Variants in AUTS2 observed in about 807,000 individuals in gnomAD.
AUTS2 encodes the protein autism susceptibility gene 2 protein.
A neutral mutation model predicts 112.4 loss-of-function variants in AUTS2; 17 were observed. The ratio of observed to expected loss-of-function variants is 0.15; its 90% CI spans 0.10 to 0.23. AUTS2 has a LOEUF of 0.23. AUTS2 is among the 10% of genes least tolerant of loss of function. AUTS2 has a pLI of 1.00. For synonymous variants in AUTS2, 751 were observed against 702.7 expected (o/e 1.07, Z -1.09); for missense variants, 1,510 against 1,701.6 (o/e 0.89, Z 1.98).
At chr7:70,091,441 C>T (rs1490371734) in intron 2 of AUTS2, among the ~76,000 whole-genome samples, 1 of 152,090 alleles carries the variant, frequency 6.6e-6, no homozygotes, top group Non-Finnish European at 1.5e-5. Context: ...CTAATGGACC[C>T]ATTTACAAAA....
At chr7:70,639,885 T>C (rs1343638600) in intron 5 of AUTS2, among the ~76,000 whole-genome samples, 1 of 152,184 alleles carries the variant, frequency 6.6e-6, no homozygotes, top group African/African-American at 2.4e-5. Flanking sequence ...CTGAGAGGAC[T>C]ACAAGGCTGA....
chr7:69,872,848 T>TTTTTTTTTTTTTTTTTTTG (rs1793563079), intron 1 of AUTS2, among the ~76,000 whole-genome samples: 1 of 137,646 alleles, frequency 7.3e-6, no homozygotes, highest in Non-Finnish European at 1.6e-5. Context: ...TTTTTTTTTT[T>TTTTTTTTTTTTTTTTTTTG]TTTTTTTTTT....
intron 2 of AUTS2, among the ~76,000 whole-genome samples, chr7:70,025,291 A>G (rs1427574166): frequency 6.6e-6 from 1 of 152,120 alleles, no homozygotes; most frequent in African/African-American, 2.4e-5. Context: ...TTATTTAGCC[A>G]TGTAGAGCTC....
At chr7:69,665,335 C>T (rs1795986975) in intron 1 of AUTS2, among the ~76,000 whole-genome samples, 1 of 152,154 alleles carries the variant, frequency 6.6e-6, no homozygotes, top group African/African-American at 2.4e-5. Flanking sequence ...TAATACTGCT[C>T]AGCATAAATG....
intron 5 of AUTS2, among the ~76,000 whole-genome samples, chr7:70,539,490 A>G (rs1444135422): frequency 6.6e-6 from 1 of 152,216 alleles, no homozygotes; most frequent in Non-Finnish European, 1.5e-5. Context: ...TGCACTGTCT[A>G]TGGAATACCA....
chr7:70,693,948 G>A (rs1440877726), intron 5 of AUTS2: 1 of 152,030 alleles, frequency 6.6e-6, no homozygotes, highest in Non-Finnish European at 1.5e-5. Flanking sequence ...CGGCGCCGGG[G>A]ACGAGAGGAG....
chr7:69,601,768 T>C (rs1465899632), intron 1 of AUTS2, among the ~76,000 whole-genome samples: 1 of 152,184 alleles, frequency 6.6e-6, no homozygotes, highest in Non-Finnish European at 1.5e-5. Flanking sequence ...GTGGTTACCA[T>C]ACAGTGTGAC....
chr7:70,556,862 C>T (rs1240149903), intron 5 of AUTS2, among the ~76,000 whole-genome samples: 1 of 152,160 alleles, frequency 6.6e-6, no homozygotes, highest in Non-Finnish European at 1.5e-5. Context: ...TGCCCTTCCC[C>T]ACACACTGTG....
At chr7:69,793,245 A>C (rs1287977625) in intron 1 of AUTS2, among the ~76,000 whole-genome samples, 2 of 152,164 alleles carry the variant, frequency 1.3e-5, no homozygotes. Flanking sequence ...CTCTGTTTCC[A>C]CTGGAAACTC....
intron 2 of AUTS2, among the ~76,000 whole-genome samples, chr7:69,996,946 T>TAAAAAAAAAAAAAAAAAA (rs1161825217): frequency 5.0e-5 from 5 of 99,030 alleles, no homozygotes; most frequent in African/African-American, 1.7e-4. Flanking sequence ...CTGGAACACT[T>TAAAAAAAAAAAAAAAAAA]AAAAAAAAAA....
At chr7:70,382,078 T>C (rs1793390902) in intron 4 of AUTS2, among the ~76,000 whole-genome samples, 1 of 152,166 alleles carries the variant, frequency 6.6e-6, no homozygotes, top group South Asian at 2.1e-4. Context: ...CAGACACCAT[T>C]GCCCTACAAC....
chr7:70,310,332 C>T (rs545754207), intron 4 of AUTS2, among the ~76,000 whole-genome samples: 6 of 152,084 alleles, frequency 3.9e-5, no homozygotes, highest in Non-Finnish European at 5.9e-5. Flanking sequence ...CAGCTGAGGC[C>T]GGACGCGGTG....
intron 5 of AUTS2, among the ~76,000 whole-genome samples, chr7:70,636,220 CTTCCT>C (rs1037602342): frequency 1.3e-5 from 2 of 152,236 alleles, no homozygotes; most frequent in African/African-American, 4.8e-5. Context: ...GGTGGCTTCA[CTTCCT>C]TTCACAAACT....
At chr7:70,496,379 C>T (rs1585217026) in intron 5 of AUTS2, among the ~76,000 whole-genome samples, 1 of 128,734 alleles carries the variant, frequency 7.8e-6, no homozygotes, top group African/African-American at 3.1e-5. Context: ...ACACACCCCA[C>T]TCACACACAC....
chr7:70,289,421 A>G (rs1006730339), intron 4 of AUTS2, among the ~76,000 whole-genome samples: 2 of 152,214 alleles, frequency 1.3e-5, no homozygotes, highest in African/African-American at 2.4e-5. Context: ...ATAGGTGTCT[A>G]TCGACAGCCT....
chr7:69,842,399 T>A (rs565682252), intron 1 of AUTS2, among the ~76,000 whole-genome samples: 1 of 152,224 alleles, frequency 6.6e-6, no homozygotes, highest in Non-Finnish European at 1.5e-5. Context: ...ACGCTTTTAC[T>A]GTTCATAACA....
intron 2 of AUTS2, among the ~76,000 whole-genome samples, chr7:70,041,642 A>G (rs1584624359): frequency 6.6e-6 from 1 of 152,332 alleles, no homozygotes; most frequent in South Asian, 2.1e-4. Flanking sequence ...GTATGTATGT[A>G]TATGTGTTTG....
At chr7:70,415,575 C>T (rs1202533701) in intron 4 of AUTS2, among the ~76,000 whole-genome samples, 1 of 152,130 alleles carries the variant, frequency 6.6e-6, no homozygotes, top group Non-Finnish European at 1.5e-5. Flanking sequence ...CCTGGTACAT[C>T]GTTGTTTAAG....
At chr7:69,670,509 T>G (rs1796268551) in intron 1 of AUTS2, among the ~76,000 whole-genome samples, 1 of 138,402 alleles carries the variant, frequency 7.2e-6, no homozygotes, top group Admixed American at 7.6e-5. Context: ...GTTCATCTTC[T>G]GTAAACAAAA....
Sources: allele counts gnomAD v4.1 joint callset (sites outside exome capture counted in the v4.1 genomes callset), GRCh38; gene constraint gnomAD v4.1.1; transcripts MANE v1.5; gene names NCBI Gene and HGNC (gene_info 2026-07-23, HGNC 2026-07-21).